MTUS2: variants seen among roughly 807,000 people sequenced by gnomAD.
The protein encoded by MTUS2 is microtubule associated scaffold protein 2, also known as microtubule-associated tumor suppressor candidate 2.
In MTUS2, 40 loss-of-function variants were observed where a neutral mutation model predicts 114.1. The ratio of observed to expected loss-of-function variants is 0.35; its 90% CI spans 0.27 to 0.46. The LOEUF (loss-of-function observed/expected upper bound fraction) is 0.46, where lower values mean the gene tolerates loss of function less well. Among genes scored for constraint, MTUS2 ranks in the 20% least tolerant of loss-of-function variants. MTUS2 has a pLI of 1.00. For missense variants in MTUS2, 1,679 were observed against 1,705.4 expected (o/e 0.98, Z 0.27); for synonymous variants, 688 against 672.0 (o/e 1.02, Z -0.37).
intron 6 of MTUS2, among the ~76,000 whole-genome samples, chr13:29,292,140 A>G (rs1898742550): frequency 1.3e-5 from 2 of 152,338 alleles, no homozygotes; most frequent in Non-Finnish European, 2.9e-5. Context: ...AGTTATTTTA[A>G]TTACTGAGAT....
chr13:28,958,516 T>A (rs535127313), intron 2 of MTUS2, among the ~76,000 whole-genome samples: 1 of 152,340 alleles, frequency 6.6e-6, no homozygotes, highest in South Asian at 2.1e-4. Context: ...TTATTCTTAG[T>A]CTGTTTACTA....
chr13:29,116,412 A>G (rs1162047239), intron 5 of MTUS2, among the ~76,000 whole-genome samples: 1 of 152,190 alleles, frequency 6.6e-6, no homozygotes. Flanking sequence ...GACTTAGTCT[A>G]TGGTTCTATT....
chr13:28,861,426 CCT>C (rs1458917891), intron 2 of MTUS2, among the ~76,000 whole-genome samples: 2 of 138,398 alleles, frequency 1.4e-5, no homozygotes, highest in South Asian at 2.3e-4. Context: ...CCCTTCTGAG[CCT>C]CTGTTTTTTT....
chr13:29,203,451 G>A (rs974651917), intron 5 of MTUS2, among the ~76,000 whole-genome samples: 8 of 152,102 alleles, frequency 5.3e-5, no homozygotes, highest in South Asian at 4.1e-4. Flanking sequence ...GCTGGGCTCC[G>A]TGGGGGTGGG....
intron 2 of MTUS2, among the ~76,000 whole-genome samples, chr13:28,922,061 C>A (rs935393926): frequency 6.6e-6 from 1 of 152,120 alleles, no homozygotes; most frequent in Non-Finnish European, 1.5e-5. Flanking sequence ...ATCATGGGAG[C>A]AGATTTCCCC....
rs71090215 is a variant in MTUS2 at position 28,976,203 on chromosome 13, CAA to C, written c.-242-48234_-242-48233del. 4.9e-3 allele frequency among the ~76,000 whole-genome samples: 444 copies of C among 90,168 alleles called. 2 individuals carry two copies. Among genetic ancestry groups the C allele is most frequent in the African/African-American group, 0.016 (370 of 22,996 alleles). The allele number at this position is 90,168 out of a possible 152,430, so 59.2% of individuals were successfully genotyped here. ...TAGATGACAGAATGAGACCTTGTCT[CAA>C]AAAAAAAAAAAAAAAAAAAGAAAAG... On this transcript the variant is annotated intron_variant, in intron 2 of 15. Transcript: ENST00000612955.
rs1394168575 is a variant in MTUS2 at position 29,505,946 on chromosome 13, G to A, written c.*2740G>A. ...AAAATAAACTTGAGGGACTTTCTGCGATATCTACTTGATGTAACTGGAGAC... is the reference window on the plus strand; with the variant it reads ...AAAATAAACTTGAGGGACTTTCTGCAATATCTACTTGATGTAACTGGAGAC... On this transcript the variant is annotated 3_prime_UTR_variant, in exon 16 of 16. Coordinates refer to ENST00000612955, the MANE Select transcript of MTUS2 (RefSeq NM_001033602.4). 2.9e-5 allele frequency: 6 copies of A among 206,442 alleles called. No individual in the cohort carries two copies. The highest frequency in any genetic ancestry group is 1.8e-4 in the Admixed American group (3 of 16,798). 12.8% of individuals were successfully genotyped at this position (206,442 alleles called of 1,614,324 possible).
chr13:28,920,280 G>A (rs1257239273), intron 2 of MTUS2, among the ~76,000 whole-genome samples: 2 of 152,310 alleles, frequency 1.3e-5, no homozygotes, highest in East Asian at 3.9e-4. Context: ...AAGGACTTGG[G>A]CCTCAAACCC....
At chr13:29,361,253 C>T (rs1462808340) in intron 8 of MTUS2, among the ~76,000 whole-genome samples, 1 of 152,186 alleles carries the variant, frequency 6.6e-6, no homozygotes, top group South Asian at 2.1e-4. Flanking sequence ...ACTACAGCTA[C>T]ACTTGGCATG....
At chr13:29,449,355 A>T (rs913434419) in intron 9 of MTUS2, among the ~76,000 whole-genome samples, 1 of 152,236 alleles carries the variant, frequency 6.6e-6, no homozygotes, top group Admixed American at 6.5e-5. Flanking sequence ...ACACACATAC[A>T]GTGGAAGGTA....
chr13:29,478,141 C>T (rs1483589040), intron 9 of MTUS2, among the ~76,000 whole-genome samples: 1 of 152,192 alleles, frequency 6.6e-6, no homozygotes, highest in Non-Finnish European at 1.5e-5. Flanking sequence ...GAGGAACTGT[C>T]CCAGCCTGAA....
chr13:29,402,406 G>A (rs909359463), intron 8 of MTUS2, among the ~76,000 whole-genome samples: 2 of 152,186 alleles, frequency 1.3e-5, no homozygotes, highest in East Asian at 3.8e-4. Flanking sequence ...CTGAGAAAGA[G>A]AAAGCAGTAA....
In MTUS2 at chr13:29,389,325, G is replaced by A. The variant is rs553809522; in HGVS notation, c.3117+29852G>A. On this transcript the variant is annotated intron_variant, in intron 8 of 15. Transcript: ENST00000612955. The stretch of plus-strand genomic sequence containing the variant: ...TATGTGTATATATGTATACACATAT[G>A]TGTGTATATATGTATGCACGTGTGT... 7.8e-4 allele frequency among the ~76,000 whole-genome samples: 61 copies of A among 78,484 alleles called. 1 individual carries two copies. The highest frequency in any genetic ancestry group is 3.8e-3 in the Admixed American group (28 of 7,324). 51.5% of individuals were successfully genotyped at this position (78,484 alleles called of 152,430 possible). A position where few individuals can be genotyped will look rare whatever the true frequency, so the allele number is the denominator to read the frequency against.
chr13:28,901,577 A>G (rs1198621158), intron 2 of MTUS2, among the ~76,000 whole-genome samples: 1 of 152,194 alleles, frequency 6.6e-6, no homozygotes, highest in African/African-American at 2.4e-5. Flanking sequence ...TCTTATGCCT[A>G]TTGATACACA....
At chr13:28,840,385 CT>C (rs1566169692) in intron 2 of MTUS2, among the ~76,000 whole-genome samples, 1 of 152,156 alleles carries the variant, frequency 6.6e-6, no homozygotes, top group Non-Finnish European at 1.5e-5. Flanking sequence ...TTGAGGGAAG[CT>C]TTTCTGAGGG....
In MTUS2 at chr13:29,496,717, A is replaced by G. The variant is rs1882576112; in HGVS notation, c.3580-521A>G. On this transcript the variant is annotated intron_variant, in intron 12 of 15. Transcript: ENST00000612955. This position sits in a 1 kb window ranked among gnomAD's most constrained non-coding sequence, Gnocchi z 4.3. ...AGGGGACTCTGTGGGTTCTAGGGAC[A>G]TTCAGGAGGCAGGATGGCAGGAGTT... 6.6e-6 allele frequency among the ~76,000 whole-genome samples: 1 copy of G among 152,158 alleles called. No homozygotes were observed. Among genetic ancestry groups the G allele is most frequent in the African/African-American group, 2.4e-5 (1 of 41,432 alleles).
intron 5 of MTUS2, among the ~76,000 whole-genome samples, chr13:29,231,226 T>C (rs1277221640): frequency 6.6e-6 from 1 of 152,236 alleles, no homozygotes; most frequent in Non-Finnish European, 1.5e-5. Context: ...AAACATGTTA[T>C]GTTTTATAGC....
intron 6 of MTUS2, among the ~76,000 whole-genome samples, chr13:29,309,707 A>G: frequency 6.6e-6 from 1 of 152,340 alleles, no homozygotes; most frequent in Middle Eastern, 3.4e-3. Context: ...AATATTTATA[A>G]TAATATTGCT....
intron 2 of MTUS2, among the ~76,000 whole-genome samples, chr13:28,914,088 T>TTG (rs1398089135): frequency 1.3e-5 from 2 of 151,968 alleles, no homozygotes; most frequent in Non-Finnish European, 2.9e-5. Flanking sequence ...GAAGGGTTTT[T>TTG]TGTGTGTGTG....
Sources: allele counts gnomAD v4.1 joint callset (sites outside exome capture counted in the v4.1 genomes callset), GRCh38; gene constraint gnomAD v4.1.1; non-coding constraint Gnocchi (gnomAD v3.1); transcripts MANE v1.5; gene names NCBI Gene and HGNC (gene_info 2026-07-23, HGNC 2026-07-21).